Variants in TENM4 observed in about 807,000 individuals in gnomAD.
TENM4 encodes the protein teneurin transmembrane protein 4.
A neutral mutation model predicts 243.3 loss-of-function variants in TENM4; 82 were observed. The ratio of observed to expected loss-of-function variants is 0.34; its 90% CI spans 0.28 to 0.40. The LOEUF (loss-of-function observed/expected upper bound fraction) is 0.40, where lower values mean the gene tolerates loss of function less well. TENM4 is among the 10% of genes least tolerant of loss of function. TENM4 has a pLI of 1.00. For missense variants in TENM4, 3,138 were observed against 3,673.3 expected (o/e 0.85, Z 3.77); for synonymous variants, 1,412 against 1,456.3 (o/e 0.97, Z 0.69).
At chr11:79,428,452 T>G (rs1009634224) in intron 1 of TENM4, among the ~76,000 whole-genome samples, 18 of 152,206 alleles carry the variant, frequency 1.2e-4, no homozygotes, top group Non-Finnish European at 1.8e-4. Context: ...TGATAAGCAT[T>G]TTATAGGATG....
chr11:78,990,244 C>G (rs1858009697), intron 6 of TENM4, among the ~76,000 whole-genome samples: 1 of 152,092 alleles, frequency 6.6e-6, no homozygotes. Context: ...CAAGGTTACT[C>G]AGACAGAGTG....
Position 78,669,227 on chromosome 11 carries a change from G to C in TENM4, c.7118C>G (p.Thr2373Arg). ...IGTPLAVFSG[T>R]GLMIKQILYT... is the part of the protein sequence containing the mutation. ...CAGGATTTGCTTGATCATCAAACCTGTTCCACTAAAGACAGCAAGAGGGGT... is the reference window on the plus strand; with the variant it reads ...CAGGATTTGCTTGATCATCAAACCTCTTCCACTAAAGACAGCAAGAGGGGT... Residue 2373 changes from threonine (T) to arginine (R), a missense_variant, in exon 32 of 34, where the codon ACA becomes AGA. Coordinates refer to ENST00000278550, the MANE Select transcript of TENM4 (RefSeq NM_001098816.3). The surrounding 1 kb of genome is among the most constrained non-coding windows in gnomAD (Gnocchi z 6.4). 1 of 1,613,928 alleles carries C rather than the reference G, an allele frequency of 6.2e-7. No individual in the cohort carries two copies. Among genetic ancestry groups the C allele is most frequent in the South Asian group, 1.1e-5 (1 of 91,074 alleles).
intron 19 of TENM4, among the ~76,000 whole-genome samples, chr11:78,739,823 C>A (rs1855880749): frequency 6.6e-6 from 1 of 152,162 alleles, no homozygotes; most frequent in Non-Finnish European, 1.5e-5. Flanking sequence ...GTTAGTGGAA[C>A]TTTCTCATTG....
chr11:78,956,626 A>C (rs1371362295), intron 6 of TENM4, among the ~76,000 whole-genome samples: 3 of 152,228 alleles, frequency 2.0e-5, no homozygotes, highest in African/African-American at 7.2e-5. Context: ...AACCATGAGT[A>C]AGTTGCTAAG....
intron 1 of TENM4, among the ~76,000 whole-genome samples, chr11:79,422,623 G>A (rs1858959100): frequency 6.6e-6 from 1 of 152,184 alleles, no homozygotes. Flanking sequence ...GAGGCCAGCT[G>A]AGAAAGAAAA....
chr11:78,676,016 A>T, intron 30 of TENM4, 136 bp downstream of exon 30: 1 of 860,848 alleles, frequency 1.2e-6, no homozygotes, highest in East Asian at 2.7e-5. Flanking sequence ...CTGATCACAC[A>T]TGGTTCCCTG....
chr11:78,805,247 G>T, intron 15 of TENM4, 45 bp downstream of exon 15: 1 of 49,536 alleles, frequency 2.0e-5, no homozygotes, highest in Non-Finnish European at 3.2e-5. Flanking sequence ...TGTCACAGTG[G>T]AAATCCCCTC....
intron 9 of TENM4, among the ~76,000 whole-genome samples, chr11:78,884,604 T>C (rs1280502997): frequency 3.9e-5 from 6 of 152,104 alleles, no homozygotes; most frequent in Non-Finnish European, 1.5e-5. Context: ...TTCTAGAAAA[T>C]ACAGAAAATC....
At chr11:78,959,038 C>G (rs1239492525) in intron 6 of TENM4, among the ~76,000 whole-genome samples, 1 of 152,204 alleles carries the variant, frequency 6.6e-6, no homozygotes, top group Admixed American at 6.5e-5. Context: ...GAAACATTGC[C>G]TAGAGTTGCA....
intron 1 of TENM4, among the ~76,000 whole-genome samples, chr11:79,332,780 C>T (rs1182791022): frequency 3.3e-5 from 5 of 152,166 alleles, no homozygotes; most frequent in African/African-American, 7.2e-5. Context: ...TGCACCTCTA[C>T]GTTGTCCTGG....
intron 1 of TENM4, among the ~76,000 whole-genome samples, chr11:79,395,059 T>G (rs1172876812): frequency 6.6e-6 from 1 of 152,228 alleles, no homozygotes; most frequent in African/African-American, 2.4e-5. Flanking sequence ...TCTGTTGTTT[T>G]AAACCATTCC....
chr11:79,295,896 AACACACACACACACACAC>A (rs199711050), intron 2 of TENM4, among the ~76,000 whole-genome samples: 2 of 130,910 alleles, frequency 1.5e-5, no homozygotes, highest in Non-Finnish European at 3.2e-5. Context: ...CCAGGGATTA[AACACACACACACACACAC>A]ACACACACAC....
At chr11:79,143,301 A>C (rs181023774) in intron 4 of TENM4, among the ~76,000 whole-genome samples, 2,183 of 152,276 alleles carry the variant, frequency 0.014, 24 homozygotes, top group Middle Eastern at 0.027. Flanking sequence ...GATAGACTGG[A>C]TTAAGAAAAT....
chr11:78,668,146 C>A (rs1245259467), intron 32 of TENM4, among the ~76,000 whole-genome samples: 1 of 152,190 alleles, frequency 6.6e-6, no homozygotes, highest in African/African-American at 2.4e-5. Flanking sequence ...TTGCAACCAC[C>A]CTACCAGGTA....
At chr11:79,417,075 A>G (rs987865655) in intron 1 of TENM4, among the ~76,000 whole-genome samples, 8 of 152,230 alleles carry the variant, frequency 5.3e-5, no homozygotes, top group Admixed American at 3.9e-4. Context: ...TAGTTAACTG[A>G]GAGTCTCAAA....
At chr11:79,193,634 C>A (rs1401779311) in intron 3 of TENM4, among the ~76,000 whole-genome samples, 3 of 152,160 alleles carry the variant, frequency 2.0e-5, no homozygotes, top group Non-Finnish European at 4.4e-5. Flanking sequence ...AAGTGTCCAT[C>A]CACATAGCAG....
chr11:78,900,327 T>C (rs1299475431), intron 7 of TENM4, among the ~76,000 whole-genome samples: 1 of 152,204 alleles, frequency 6.6e-6, no homozygotes, highest in Non-Finnish European at 1.5e-5. Flanking sequence ...TTTCTGAGGA[T>C]AGGGTATGTC....
At chr11:78,842,630 C>T (rs1858286820) in intron 12 of TENM4, among the ~76,000 whole-genome samples, 1 of 152,254 alleles carries the variant, frequency 6.6e-6, no homozygotes, top group Non-Finnish European at 1.5e-5. Flanking sequence ...ATCACCCTCT[C>T]ATGTACTCCT....
chr11:78,716,943 C>T (rs1418933198), intron 25 of TENM4, among the ~76,000 whole-genome samples: 1 of 152,148 alleles, frequency 6.6e-6, no homozygotes, highest in Admixed American at 6.5e-5. Context: ...CGGAAGACGG[C>T]CTTCAGTGGA....
Sources: allele counts gnomAD v4.1 joint callset (sites outside exome capture counted in the v4.1 genomes callset), GRCh38; gene constraint gnomAD v4.1.1; non-coding constraint Gnocchi (gnomAD v3.1); transcripts MANE v1.5; gene names NCBI Gene and HGNC (gene_info 2026-07-23, HGNC 2026-07-21).